The following PXDN variants were observed in gnomAD, a reference collection of about 807,000 sequenced individuals.
PXDN encodes peroxidasin homolog.
In PXDN, 77 loss-of-function variants were observed where a neutral mutation model predicts 140.3. That is an observed-to-expected ratio of 0.55 (90% CI 0.46 to 0.66). The LOEUF is 0.66. Ranked by LOEUF, PXDN falls within the 30% of genes least tolerant of loss-of-function variation. PXDN has a pLI of 0.00. For missense variants in PXDN, 1,838 were observed against 2,039.5 expected (o/e 0.90, Z 1.90); for synonymous variants, 911 against 857.4 (o/e 1.06, Z -1.09).
At chr2:1,661,196 T>G (rs189244219) in intron 13 of PXDN, among the ~76,000 whole-genome samples, 159 bp from the exon 14 acceptor site, 2 of 152,240 alleles carry the variant, frequency 1.3e-5, no homozygotes, top group Admixed American at 1.3e-4. Context: ...GCGAAGGAGA[T>G]GTGGTCAGTT....
chr2:1,710,761 A>T (rs1164292312), intron 1 of PXDN, among the ~76,000 whole-genome samples: 3 of 32,150 alleles, frequency 9.3e-5, no homozygotes, highest in Admixed American at 3.5e-4. Context: ...ACCAGCACCC[A>T]CTCCACCAGC....
chr2:1,710,027 G>A (rs955215186), intron 1 of PXDN, among the ~76,000 whole-genome samples: 1 of 152,110 alleles, frequency 6.6e-6, no homozygotes, highest in Non-Finnish European at 1.5e-5. Flanking sequence ...AGCCCTTCCC[G>A]CCACCCAGCC....
chr2:1,680,328 C>G lies in PXDN; in HGVS notation c.595G>C (p.Glu199Gln), dbSNP rs1683865039. 1.9e-5 allele frequency: 31 copies of G among 1,613,928 alleles called. No individual in the cohort carries two copies. Among genetic ancestry groups the G allele is most frequent in the Non-Finnish European group, 2.6e-5 (31 of 1,179,896 alleles). Residue 199 changes from glutamate to glutamine, a missense_variant, in exon 7 of 23, where the codon GAA becomes CAA. Glu to Gln is a conservative substitution (Grantham distance 29). Around this residue, in one of 5 missense-constraint regions of PXDN, gnomAD observed 208 missense variants for 325.8 expected, o/e 0.64. Coordinates refer to ENST00000252804, the MANE Select transcript of PXDN (RefSeq NM_012293.3). Reference protein sequence around the residue: ...LDSNTLHCDCEILWLADLLKT... With the variant: ...LDSNTLHCDCQILWLADLLKT... ...AGCAAATCCGCCAACCACAGGATTTCACAGTCGCAGTGAAGTGTGTTTGAG... is the reference window on the plus strand; with the variant it reads ...AGCAAATCCGCCAACCACAGGATTTGACAGTCGCAGTGAAGTGTGTTTGAG...
At chr2:1,653,835 G>A (rs1038083294) in intron 15 of PXDN, 50 bp from the exon 16 acceptor site, 8 of 1,478,644 alleles carry the variant, frequency 5.4e-6, no homozygotes, top group Middle Eastern at 1.7e-4. Context: ...AATTACTGAA[G>A]ATAAAATTCA....
intron 21 of PXDN, among the ~76,000 whole-genome samples, 199 bp downstream of exon 21, chr2:1,638,646 GA>G (rs1280112972): frequency 6.6e-6 from 1 of 152,178 alleles, no homozygotes; most frequent in Non-Finnish European, 1.5e-5. Flanking sequence ...CATCTGCTGG[GA>G]AACCCAGGGA....
At chr2:1,658,027 G>GCTCTCT (rs1156959508) in intron 14 of PXDN, among the ~76,000 whole-genome samples, 18 of 4,886 alleles carry the variant, frequency 3.7e-3, no homozygotes, top group Non-Finnish European at 5.6e-3. Flanking sequence ...TCAGCTGTGG[G>GCTCTCT]CTCTCTCTCT....
chr2:1,656,497 C>T (rs1683136172), intron 14 of PXDN, among the ~76,000 whole-genome samples: 1 of 152,158 alleles, frequency 6.6e-6, no homozygotes, highest in Non-Finnish European at 1.5e-5. Context: ...GGGGACCTGC[C>T]CCCTCTTGAC....
At chr2:1,703,015 G>GGACAGCTCCAGGTGAA (rs1684476100) in intron 1 of PXDN, among the ~76,000 whole-genome samples, 1 of 113,200 alleles carries the variant, frequency 8.8e-6, no homozygotes, top group African/African-American at 3.5e-5. Flanking sequence ...GGTGAAGGGG[G>GGACAGCTCCAGGTGAA]GACAGCTCCA....
At position 1,687,997 on chromosome 2, in the gene PXDN, T is replaced by C. The variant is rs1684100466; in HGVS notation, c.345-294A>G. Among the ~76,000 whole-genome samples the C allele has an allele frequency of 6.6e-6, 1 of 152,160 alleles. No individual in the cohort carries two copies. ...TGGCTAATGAATTGCTGACAATACATTTGCTTCAAAGCCTGAAGAAGATAA... is the reference window on the plus strand; with the variant it reads ...TGGCTAATGAATTGCTGACAATACACTTGCTTCAAAGCCTGAAGAAGATAA... On this transcript the variant is annotated intron_variant, in intron 3 of 22. Transcript: ENST00000252804. This position sits in a 1 kb window ranked among gnomAD's most constrained non-coding sequence, Gnocchi z 4.0.
chr2:1,643,587 C>CA lies in PXDN; in HGVS notation c.3744-12dup. 6.2e-7 allele frequency: 1 copy of CA among 1,613,154 alleles called. No homozygotes were observed. The highest frequency in any genetic ancestry group is 1.1e-5 in the South Asian group (1 of 91,062). On this transcript the variant is annotated splice_polypyrimidine_tract_variant and intron_variant, in intron 18 of 22. Coordinates refer to ENST00000252804, the MANE Select transcript of PXDN (RefSeq NM_012293.3). ...TTCTCATACCACAACCTGGATCCCC[C>CA]AAAATGAAAGCAGGATCAGAGAAGG...
chr2:1,728,775 A>C (rs1685247311), intron 1 of PXDN, among the ~76,000 whole-genome samples: 1 of 152,198 alleles, frequency 6.6e-6, no homozygotes, highest in African/African-American at 2.4e-5. Flanking sequence ...GCTCGTTAAC[A>C]ATGTCAGTGA....
rs1684849962 is a variant in PXDN at position 1,714,358 on chromosome 2, A to G, written c.201-21224T>C. Among the ~76,000 whole-genome samples, 2 of 152,118 alleles carry G rather than the reference A, an allele frequency of 1.3e-5. No individual in the cohort carries two copies. Among genetic ancestry groups the G allele is most frequent in the Non-Finnish European group, 2.9e-5 (2 of 68,022 alleles). On this transcript the variant is annotated intron_variant, in intron 1 of 22. Transcript: ENST00000252804. This position sits in a 1 kb window ranked among gnomAD's most constrained non-coding sequence, Gnocchi z 4.3. ...CCGGCACCCTGGCCCACTCGCTCCC[A>G]TGCCTTTGAGAGGAGATCAGGTCTT...
rs769171499 is a variant in PXDN, at chr2:1,649,189, G to A, written c.2591C>T (p.Pro864Leu). 10 of 1,611,412 alleles carry A rather than the reference G, an allele frequency of 6.2e-6. No individual in the cohort carries two copies. Among genetic ancestry groups the A allele is most frequent in the South Asian group, 3.3e-5 (3 of 90,948 alleles). ...CCCGCTCCTGGCCCGGGAGTCATTG[G>A]GGGGGATCATGACAGAGAAGCAGGG... ...DPPCFSVMIP[P>L]NDSRARSGAR... Residue 864 changes from proline (P) to leucine (L), a missense_variant, in exon 17 of 23, where the codon CCC becomes CTC. By Grantham distance (98) the Pro-to-Leu change is moderately conservative (BLOSUM62 -3). Transcript: ENST00000252804. The surrounding 1 kb of genome is among the most constrained non-coding windows in gnomAD (Gnocchi z 7.1).
chr2:1,647,450 G>A (rs1682874816), intron 17 of PXDN, among the ~76,000 whole-genome samples: 1 of 152,162 alleles, frequency 6.6e-6, no homozygotes, highest in African/African-American at 2.4e-5. Context: ...TGCTTTGCCT[G>A]TAAAACTTTG....
At chr2:1,690,648 C>CAAAAAAAA (rs35970382) in intron 3 of PXDN, among the ~76,000 whole-genome samples, 10 of 68,632 alleles carry the variant, frequency 1.5e-4, no homozygotes, top group African/African-American at 2.3e-4. Context: ...TTCAAAATAC[C>CAAAAAAAA]AAAAAAAAAA....
At chr2:1,698,181 A>C (rs1392075736) in intron 1 of PXDN, among the ~76,000 whole-genome samples, 9 of 152,234 alleles carry the variant, frequency 5.9e-5, no homozygotes. Flanking sequence ...AAGGACGACA[A>C]GTTTGTGTGT....
intron 1 of PXDN, among the ~76,000 whole-genome samples, chr2:1,703,179 C>G (rs1458949308): frequency 1.1e-3 from 21 of 18,630 alleles, no homozygotes; most frequent in Non-Finnish European, 1.5e-3. Flanking sequence ...CCAGGTGAAG[C>G]GGGGGACAAC....
At chr2:1,674,553 C>T (rs896357538) in intron 8 of PXDN, among the ~76,000 whole-genome samples, 9 of 152,202 alleles carry the variant, frequency 5.9e-5, no homozygotes, top group Middle Eastern at 3.2e-3. Flanking sequence ...ACACACACTT[C>T]GGGCAGCCAA....
intron 3 of PXDN, among the ~76,000 whole-genome samples, chr2:1,689,781 C>T (rs9749957): frequency 0.29 from 42,503 of 148,704 alleles, 6,401 homozygotes; most frequent in African/African-American, 0.38. Context: ...GGAAACTCCA[C>T]CTCAAAAAAA....
Sources: allele counts gnomAD v4.1 joint callset (sites outside exome capture counted in the v4.1 genomes callset), GRCh38; gene constraint gnomAD v4.1.1; regional missense constraint gnomAD v4.1.1; non-coding constraint Gnocchi (gnomAD v3.1); transcripts MANE v1.5; gene names NCBI Gene and HGNC (gene_info 2026-07-23, HGNC 2026-07-21).